Variants in NCOA7 observed in about 807,000 individuals in gnomAD.
The protein encoded by NCOA7 is 140 kDa estrogen receptor-associated protein.
NCOA7 carries 45 observed loss-of-function variants against 104.3 expected under a neutral mutation model. The ratio of observed to expected loss-of-function variants is 0.43; its 90% CI spans 0.34 to 0.55. The LOEUF is 0.55. Among genes scored for constraint, NCOA7 ranks in the 20% least tolerant of loss-of-function variants. The pLI, the probability that NCOA7 is intolerant of heterozygous loss-of-function variation, is 0.02. For missense variants in NCOA7, 1,041 were observed against 1,119.7 expected, an observed-to-expected ratio of 0.93 and a Z score of 1.00; for synonymous variants, 398 against 402.3, an observed-to-expected ratio of 0.99 and a Z score of 0.13.
chr6:125,907,637 C>G (rs1458899172), intron 10 of NCOA7, among the ~76,000 whole-genome samples: 1 of 152,164 alleles, frequency 6.6e-6, no homozygotes, highest in African/African-American at 2.4e-5. Context: ...AAAATGTTCC[C>G]CACCTCCTTG....
intron 2 of NCOA7, among the ~76,000 whole-genome samples, chr6:125,836,868 T>A (rs1779652331): frequency 6.6e-6 from 1 of 152,182 alleles, no homozygotes; most frequent in South Asian, 2.1e-4. Flanking sequence ...AGAGGGTGCT[T>A]GATAACTTAG....
intron 3 of NCOA7, among the ~76,000 whole-genome samples, chr6:125,874,426 T>C (rs192875163): frequency 1.8e-4 from 28 of 152,330 alleles, no homozygotes; most frequent in Admixed American, 1.2e-3. Context: ...GCAGTGACCA[T>C]ATGTTGATAT....
Position 125,888,950 on chromosome 6 carries a change from A to G in NCOA7, c.896A>G (p.Gln299Arg). The G allele has an allele frequency of 6.2e-7, 1 of 1,600,266 alleles. No individual in the cohort carries two copies. The highest frequency in any genetic ancestry group is 8.5e-7 in the Non-Finnish European group (1 of 1,172,342). ...TTCTCCCCCAACAGTGACCTACCTC[A>G]GGATCTTTGTCCTCTGTACAGGCCT... ...IKDALPSDLPQDLCPLYRPGE... is the reference protein window; with the variant it reads ...IKDALPSDLPRDLCPLYRPGE... Residue 299 changes from glutamine (Q) to arginine (R), a missense_variant, in exon 9 of 16, where the codon CAG becomes CGG. Physicochemically the swap from Gln to Arg is conservative, Grantham distance 43. Coordinates refer to ENST00000392477, the MANE Select transcript of NCOA7 (RefSeq NM_181782.5).
At chr6:125,891,908 T>A (rs894250203) in intron 10 of NCOA7, among the ~76,000 whole-genome samples, 5 of 152,196 alleles carry the variant, frequency 3.3e-5, no homozygotes, top group Non-Finnish European at 7.3e-5. Flanking sequence ...CCCCACAGCA[T>A]CTCCTGGAAA....
intron 1 of NCOA7, among the ~76,000 whole-genome samples, chr6:125,799,786 ATGTC>A (rs1775718631): frequency 6.6e-6 from 1 of 152,064 alleles, no homozygotes; most frequent in South Asian, 2.1e-4. Context: ...ATATTACTCA[ATGTC>A]CTTCTATTTT....
At chr6:125,787,475 G>A (rs1216017085), upstream of NCOA7, among the ~76,000 whole-genome samples, 1 of 152,176 alleles carries the variant, frequency 6.6e-6, no homozygotes, top group Non-Finnish European at 1.5e-5. Context: ...CAGGCTCAGC[G>A]AAACAAACAA....
intron 3 of NCOA7, among the ~76,000 whole-genome samples, chr6:125,863,054 A>G (rs1782181541): frequency 7.2e-6 from 1 of 139,528 alleles, no homozygotes; most frequent in Admixed American, 6.8e-5. Flanking sequence ...AATATTAAAA[A>G]TATGGTAAAC....
At position 125,915,436 on chromosome 6, in the gene NCOA7, A is replaced by C; in HGVS notation, c.2200A>C (p.Met734Leu). 6.2e-7 allele frequency: 1 copy of C among 1,613,958 alleles called. No individual in the cohort carries two copies. The highest frequency in any genetic ancestry group is 8.5e-7 in the Non-Finnish European group (1 of 1,179,870). Residue 734 changes from methionine (M) to leucine (L), a missense_variant, in exon 11 of 16, where the codon ATG (methionine) becomes CTG (leucine). Met to Leu is a conservative substitution (Grantham distance 15). Around this residue, in one of 2 missense-constraint regions of NCOA7, gnomAD observed 914 missense variants for 942.7 expected, o/e 0.97. Transcript: ENST00000392477. ...FVVVEKEELNMIDNFFSEPTT... is the reference protein window; with the variant it reads ...FVVVEKEELNLIDNFFSEPTT... ...GGTGGTGGAGAAGGAAGAACTGAAC[A>C]TGATTGACAACTTCTTCAGTGAGCC...
chr6:125,834,400 A>G (rs1334152302), intron 2 of NCOA7, among the ~76,000 whole-genome samples: 1 of 152,154 alleles, frequency 6.6e-6, no homozygotes, highest in East Asian at 1.9e-4. Flanking sequence ...AGATTCATTT[A>G]TTTACTTAGT....
At chr6:125,792,707 C>T (rs1583217809) in intron 1 of NCOA7, among the ~76,000 whole-genome samples, 1 of 151,874 alleles carries the variant, frequency 6.6e-6, no homozygotes, top group East Asian at 1.9e-4. Context: ...CCAAATTTGA[C>T]AGCCAGGGGA....
At chr6:125,874,837 G>A in intron 3 of NCOA7, 52 bp from the exon 4 acceptor site, 12 of 1,427,324 alleles carry the variant, frequency 8.4e-6, no homozygotes, top group Non-Finnish European at 1.2e-5. Flanking sequence ...TTTTACCCTG[G>A]CTTCAGTCCC....
intron 2 of NCOA7, among the ~76,000 whole-genome samples, chr6:125,833,424 A>G (rs1779345795): frequency 6.6e-6 from 1 of 152,058 alleles, no homozygotes; most frequent in Admixed American, 6.6e-5. Context: ...TGTCTGTACT[A>G]AAAATACAAA....
intron 2 of NCOA7, among the ~76,000 whole-genome samples, chr6:125,826,957 G>A (rs967800158): frequency 6.6e-6 from 1 of 152,026 alleles, no homozygotes; most frequent in Non-Finnish European, 1.5e-5. Context: ...CAGCACTTTG[G>A]GAGTCTCAGG....
intron 11 of NCOA7, among the ~76,000 whole-genome samples, chr6:125,916,435 T>A (rs2128691349): frequency 6.6e-6 from 1 of 152,304 alleles, no homozygotes; most frequent in Middle Eastern, 3.4e-3. Context: ...CAGGCAAGCA[T>A]GTATCAAGTA....
At chr6:125,898,072 C>G (rs1785194480) in intron 10 of NCOA7, among the ~76,000 whole-genome samples, 1 of 152,188 alleles carries the variant, frequency 6.6e-6, no homozygotes, top group Admixed American at 6.5e-5. Flanking sequence ...TTAGGAGTGA[C>G]TAGTTGATGA....
At chr6:125,894,924 A>G (rs1784889767) in intron 10 of NCOA7, among the ~76,000 whole-genome samples, 1 of 152,224 alleles carries the variant, frequency 6.6e-6, no homozygotes, top group African/African-American at 2.4e-5. Flanking sequence ...TTTTAAGTAA[A>G]TAAGACTGGG....
chr6:125,902,646 A>C (rs545387580), intron 10 of NCOA7, among the ~76,000 whole-genome samples: 16 of 152,152 alleles, frequency 1.1e-4, no homozygotes, highest in African/African-American at 3.6e-4. Flanking sequence ...TCAAGCATCA[A>C]CTCTCCAATT....
At chr6:125,843,122 T>C (rs971160065) in intron 2 of NCOA7, among the ~76,000 whole-genome samples, 4 of 152,140 alleles carry the variant, frequency 2.6e-5, no homozygotes, top group African/African-American at 9.7e-5. Context: ...CTTGCAGATG[T>C]GATTAAGGGC....
intron 2 of NCOA7, among the ~76,000 whole-genome samples, chr6:125,846,138 T>C (rs2128609709): frequency 6.6e-6 from 1 of 152,264 alleles, no homozygotes; most frequent in African/African-American, 2.4e-5. Flanking sequence ...TGTTTTGTTG[T>C]TGTTCTTGGT....
Sources: gnomAD v4.1 joint callset for allele counts (sites outside exome capture counted in the v4.1 genomes callset) on GRCh38, gnomAD v4.1.1 for gene constraint, gnomAD v4.1.1 regional missense constraint, MANE v1.5 for transcripts, NCBI Gene and HGNC (gene_info 2026-07-23, HGNC 2026-07-21) for gene names.